The following PCNX2 variants were observed in gnomAD, a reference collection of about 807,000 sequenced individuals.
PCNX2 encodes pecanex 2, also known as pecanex-like protein 2.
PCNX2 carries 168 observed loss-of-function variants against 223.8 expected under a neutral mutation model. That is an observed-to-expected ratio of 0.75 (90% CI 0.66 to 0.85). The LOEUF is 0.85. PCNX2 is among the 40% of genes least tolerant of loss of function. The pLI is 0.00. For synonymous variants in PCNX2, 1,006 were observed against 1,052.6 expected (o/e 0.96, Z 0.86); for missense variants, 2,507 against 2,675.5 (o/e 0.94, Z 1.39).
intron 21 of PCNX2, chr1:233,112,802 C>T (rs1426052213): frequency 8.1e-7 from 1 of 1,234,326 alleles, no homozygotes; most frequent in Non-Finnish European, 1.0e-6. Context: ...GTCTTACATG[C>T]TAGGCTTGAT....
intron 25 of PCNX2, among the ~76,000 whole-genome samples, chr1:233,027,625 G>C (rs1223617900): frequency 6.6e-6 from 1 of 152,130 alleles, no homozygotes; most frequent in Admixed American, 6.5e-5. Flanking sequence ...CTAGTACGAG[G>C]TGAAAACTTA....
chr1:233,192,615 C>CA (rs201659544), intron 15 of PCNX2, among the ~76,000 whole-genome samples: 99 of 149,880 alleles, frequency 6.6e-4, no homozygotes, highest in Middle Eastern at 3.4e-3. Flanking sequence ...ACATTTACAT[C>CA]AAAAAAAAAG....
intron 21 of PCNX2, among the ~76,000 whole-genome samples, chr1:233,097,855 A>T (rs1273927102): frequency 6.6e-6 from 1 of 152,116 alleles, no homozygotes; most frequent in East Asian, 1.9e-4. Flanking sequence ...TTTTATCTCC[A>T]CCATTAACCC....
At position 233,292,288 on chromosome 1, in the gene PCNX2, C is replaced by G. The variant is rs545371313; in HGVS notation, c.153+3038G>C. On this transcript the variant is annotated intron_variant, in intron 1 of 33. Transcript: ENST00000258229. ...GTGGCGTGATCTTGGCTCACTGCAA[C>G]CTCTGCCTCCAGGATTCAAGCGATT... Among the ~76,000 whole-genome samples the G allele has an allele frequency of 5.4e-5, 8 of 146,826 alleles. No individual in the cohort carries two copies. In the South Asian group the frequency reaches 1.7e-3, roughly 32 times the overall value.
chr1:233,143,460 G>C (rs894644755), intron 19 of PCNX2, among the ~76,000 whole-genome samples: 3 of 152,194 alleles, frequency 2.0e-5, no homozygotes, highest in South Asian at 4.1e-4. Flanking sequence ...ATACTTTCAG[G>C]AACAGCAGAG....
chr1:233,047,101 C>T (rs1671849748), intron 25 of PCNX2, among the ~76,000 whole-genome samples: 1 of 152,314 alleles, frequency 6.6e-6, no homozygotes, highest in Middle Eastern at 3.4e-3. Flanking sequence ...GGCAGCCAGC[C>T]TCTAGACCTC....
At chr1:233,025,456 T>G in intron 25 of PCNX2, 57 bp from the exon 26 acceptor site, 1 of 1,586,540 alleles carries the variant, frequency 6.3e-7, no homozygotes, top group South Asian at 1.1e-5. Flanking sequence ...GAATGTTTGC[T>G]TCAACGGATT....
intron 12 of PCNX2, among the ~76,000 whole-genome samples, chr1:233,214,088 A>T (rs929059416): frequency 6.6e-6 from 1 of 151,034 alleles, no homozygotes; most frequent in African/African-American, 2.4e-5. Flanking sequence ...CGGCCTCCCA[A>T]AGTGCTGGGA....
At chr1:233,076,078 A>C (rs997179414) in intron 23 of PCNX2, among the ~76,000 whole-genome samples, 1 of 152,370 alleles carries the variant, frequency 6.6e-6, no homozygotes, top group Admixed American at 6.5e-5. Context: ...AGAGGCAGAC[A>C]GTTTTAAGTG....
intron 25 of PCNX2, among the ~76,000 whole-genome samples, chr1:233,044,420 C>T (rs141887513): frequency 0.018 from 2,676 of 152,130 alleles, 42 homozygotes; most frequent in Non-Finnish European, 0.029. Flanking sequence ...TAATTAGATC[C>T]CATTTATCAA....
chr1:233,007,640 T>C (rs1243291064), intron 28 of PCNX2, among the ~76,000 whole-genome samples: 3 of 152,166 alleles, frequency 2.0e-5, no homozygotes, highest in Non-Finnish European at 2.9e-5. Context: ...CAGGTTCAAA[T>C]GATTCTCGCA....
intron 19 of PCNX2, among the ~76,000 whole-genome samples, chr1:233,156,575 T>C (rs1678139678): frequency 1.3e-5 from 2 of 152,060 alleles, no homozygotes; most frequent in South Asian, 4.1e-4. Context: ...GTGGGGAATC[T>C]ATTCAGGTTT....
At position 232,999,107 on chromosome 1, in the gene PCNX2, T is replaced by C. The variant is rs774915625; in HGVS notation, c.5601A>G (p.Val1867=). 2 of 1,601,408 alleles carry C rather than the reference T, an allele frequency of 1.2e-6. No homozygotes were observed. The highest frequency in any genetic ancestry group is 1.7e-6 in the Non-Finnish European group (2 of 1,170,932). ...AGGCATTTGTTGTAAAAACTTACCT[T>C]ACCCACTTGGTCCAGAACCAGGTCC... The part of the protein sequence containing the change: ...RIRTWFWTKW[V]RMRKDCNARQ... Residue 1867 remains valine, a splice_region_variant and synonymous_variant, in exon 31 of 34, where the codon GTA becomes GTG. Transcript: ENST00000258229.
chr1:233,045,958 T>C (rs1392242570), intron 25 of PCNX2, among the ~76,000 whole-genome samples: 1 of 152,250 alleles, frequency 6.6e-6, no homozygotes, highest in African/African-American at 2.4e-5. Flanking sequence ...CTGTGCCCTT[T>C]GCAACATCTT....
At chr1:233,066,075 C>A (rs1294124882) in intron 23 of PCNX2, among the ~76,000 whole-genome samples, 1 of 152,198 alleles carries the variant, frequency 6.6e-6, no homozygotes, top group Non-Finnish European at 1.5e-5. Flanking sequence ...TTTGGGACTA[C>A]CCACCTTTGG....
At chr1:233,237,070 C>A in intron 8 of PCNX2, 90 bp from the exon 9 acceptor site, 1 of 1,518,256 alleles carries the variant, frequency 6.6e-7, no homozygotes. Context: ...AATAGGAATG[C>A]CCAAAGCAGG....
rs373637212 is a variant in PCNX2, at chr1:233,092,975, AT to A, written c.3946+2779del. ...TACCATGCCCGGCTAATTTTTTTGT[AT>A]TTTTAGTAGAGACGGGGTTTCACCG... On this transcript the variant is annotated intron_variant, in intron 22 of 33. Transcript: ENST00000258229. Among the ~76,000 whole-genome samples the A allele has an allele frequency of 7.2e-5, 11 of 151,988 alleles. No homozygotes were observed. The East Asian group carries it at 1.6e-3, about 22-fold the overall frequency.
intron 25 of PCNX2, among the ~76,000 whole-genome samples, chr1:233,033,495 T>G (rs1256717242): frequency 1.3e-5 from 2 of 152,174 alleles, no homozygotes; most frequent in African/African-American, 4.8e-5. Flanking sequence ...AAAAACAAAC[T>G]AATTCCTTGG....
intron 1 of PCNX2, among the ~76,000 whole-genome samples, chr1:233,277,038 G>A (rs1423664933): frequency 6.6e-6 from 1 of 152,242 alleles, no homozygotes; most frequent in Non-Finnish European, 1.5e-5. Flanking sequence ...GTGAACTGGA[G>A]TTAACTCAGA....
Sources: allele counts gnomAD v4.1 joint callset (sites outside exome capture counted in the v4.1 genomes callset), GRCh38; gene constraint gnomAD v4.1.1; transcripts MANE v1.5; gene names NCBI Gene and HGNC (gene_info 2026-07-23, HGNC 2026-07-21).